The following SUCLG2 variants were observed in gnomAD, a reference collection of about 807,000 sequenced individuals.
The protein encoded by SUCLG2 is succinate--CoA ligase [GDP-forming] subunit beta, mitochondrial.
In SUCLG2, 42 loss-of-function variants were observed where a neutral mutation model predicts 47.9. That is an observed-to-expected ratio of 0.88 (90% confidence interval 0.69 to 1.14). The LOEUF is 1.14. Ranked by LOEUF, SUCLG2 falls within the 50% of genes most tolerant of loss-of-function variation. The pLI is 0.00. For synonymous variants in SUCLG2, 195 were observed against 197.3 expected, an observed-to-expected ratio of 0.99 and a Z score of 0.10; for missense variants, 571 against 525.9, an observed-to-expected ratio of 1.09 and a Z score of -0.84.
intron 10 of SUCLG2, among the ~76,000 whole-genome samples, chr3:67,384,056 G>T (rs61342002): frequency 6.6e-6 from 1 of 152,024 alleles, no homozygotes; most frequent in Non-Finnish European, 1.5e-5. Context: ...GACTTTTGTC[G>T]AAAATGCTGA....
At chr3:67,462,431 TAG>T (rs1485561071) in intron 9 of SUCLG2, among the ~76,000 whole-genome samples, 1 of 152,138 alleles carries the variant, frequency 6.6e-6, no homozygotes, top group Non-Finnish European at 1.5e-5. Context: ...CCTTTTTGTC[TAG>T]TCACATTTCA....
chr3:67,453,923 C>T (rs879922427), intron 9 of SUCLG2, among the ~76,000 whole-genome samples: 13 of 151,448 alleles, frequency 8.6e-5, no homozygotes, highest in Non-Finnish European at 1.6e-4. Context: ...TTGGGCAAAC[C>T]CCCAAGGTTG....
At chr3:67,372,847 G>A (rs1221989854), downstream of SUCLG2, among the ~76,000 whole-genome samples, 1 of 151,932 alleles carries the variant, frequency 6.6e-6, no homozygotes, top group Non-Finnish European at 1.5e-5. Flanking sequence ...CTAGAGCTGG[G>A]GTTGGCAAAC....
chr3:67,379,999 G>A (rs149001200), intron 10 of SUCLG2, among the ~76,000 whole-genome samples: 2 of 152,126 alleles, frequency 1.3e-5, no homozygotes, highest in African/African-American at 2.4e-5. Flanking sequence ...CTAGCAGTAC[G>A]TGCTGACCGA....
At chr3:67,640,400 G>A (rs890509130) in intron 1 of SUCLG2, among the ~76,000 whole-genome samples, 8 of 152,196 alleles carry the variant, frequency 5.3e-5, no homozygotes, top group African/African-American at 1.9e-4. Context: ...CTAAAGCCAT[G>A]CTGTTGATCA....
chr3:67,484,621 G>C (rs1222819837), intron 9 of SUCLG2, among the ~76,000 whole-genome samples: 1 of 152,134 alleles, frequency 6.6e-6, no homozygotes, highest in Non-Finnish European at 1.5e-5. Flanking sequence ...AGAAATGTGG[G>C]GATGGGGAAG....
intron 1 of SUCLG2, among the ~76,000 whole-genome samples, chr3:67,611,087 G>A (rs1442390603): frequency 6.6e-6 from 1 of 151,960 alleles, no homozygotes; most frequent in African/African-American, 2.4e-5. Flanking sequence ...CCCAGAAACT[G>A]GCCACCTCTA....
intron 10 of SUCLG2, among the ~76,000 whole-genome samples, chr3:67,393,458 G>A (rs974289991): frequency 2.0e-5 from 3 of 152,170 alleles, no homozygotes; most frequent in South Asian, 2.1e-4. Flanking sequence ...AGGCGGCAGC[G>A]AGGCTGGGGG....
intron 1 of SUCLG2, among the ~76,000 whole-genome samples, chr3:67,644,736 T>C (rs1230284207): frequency 6.6e-6 from 1 of 152,100 alleles, no homozygotes; most frequent in South Asian, 2.1e-4. Context: ...TCATATTTTT[T>C]AGTATCTTTA....
At chr3:67,591,516 C>T (rs942485797) in intron 2 of SUCLG2, among the ~76,000 whole-genome samples, 13 of 152,150 alleles carry the variant, frequency 8.5e-5, no homozygotes, top group Admixed American at 4.6e-4. Flanking sequence ...CTTTCCCCTG[C>T]TATTCTCATT....
At chr3:67,642,430 C>A (rs1451950541) in intron 1 of SUCLG2, among the ~76,000 whole-genome samples, 1 of 151,946 alleles carries the variant, frequency 6.6e-6, no homozygotes, top group African/African-American at 2.4e-5. Flanking sequence ...CAAAGCAAGA[C>A]CTTGTCTCTA....
chr3:67,385,981 G>A (rs1014963111), intron 10 of SUCLG2, among the ~76,000 whole-genome samples: 11 of 152,212 alleles, frequency 7.2e-5, no homozygotes, highest in Non-Finnish European at 1.6e-4. Flanking sequence ...GCCTTCCTGA[G>A]AGGCTAGAAG....
intron 2 of SUCLG2, among the ~76,000 whole-genome samples, chr3:67,550,168 C>T (rs1474618214): frequency 6.6e-6 from 1 of 152,174 alleles, no homozygotes; most frequent in East Asian, 1.9e-4. Flanking sequence ...AGCTGACCTG[C>T]TCCATGCGGG....
chr3:67,544,131 TTGAC>T (rs1706797895), intron 2 of SUCLG2, among the ~76,000 whole-genome samples: 1 of 152,194 alleles, frequency 6.6e-6, no homozygotes, highest in East Asian at 1.9e-4. Flanking sequence ...AAACTTAAAA[TTGAC>T]TGGAAGAAAT....
At chr3:67,623,434 G>C (rs1424604602) in intron 1 of SUCLG2, among the ~76,000 whole-genome samples, 1 of 152,166 alleles carries the variant, frequency 6.6e-6, no homozygotes, top group Non-Finnish European at 1.5e-5. Context: ...CCGAGAGGCG[G>C]TGCTTGCAGT....
chr3:67,642,010 T>C (rs1044174690), intron 1 of SUCLG2, among the ~76,000 whole-genome samples: 9 of 152,224 alleles, frequency 5.9e-5, no homozygotes, highest in South Asian at 4.1e-4. Context: ...ACCAATCATA[T>C]TGAATTAGGG....
chr3:67,428,099 C>G (rs1483081213), intron 9 of SUCLG2, among the ~76,000 whole-genome samples: 1 of 152,066 alleles, frequency 6.6e-6, no homozygotes, highest in African/African-American at 2.4e-5. Flanking sequence ...CCTAGTGGTT[C>G]TCCCAGCACA....
Position 67,440,583 on chromosome 3 carries a change from C to T in SUCLG2, c.1063-39732G>A, listed in dbSNP as rs1169245771. On this transcript the variant is annotated intron_variant, in intron 9 of 10. Coordinates refer to ENST00000307227, the MANE Select transcript of SUCLG2 (RefSeq NM_003848.4). ...AGTGGGTGAAGGATATGAACAGACA[C>T]TTCTCAAAAGAAGACATTTATGCAG... 2.0e-5 allele frequency among the ~76,000 whole-genome samples: 3 copies of T among 152,296 alleles called. No individual in the cohort carries two copies. In the East Asian group the frequency reaches 5.8e-4, roughly 29 times the overall value.
chr3:67,622,571 T>G (rs1700753880), intron 1 of SUCLG2, among the ~76,000 whole-genome samples: 1 of 152,244 alleles, frequency 6.6e-6, no homozygotes, highest in Non-Finnish European at 1.5e-5. Flanking sequence ...CTCTATACGC[T>G]GTTTTATCCT....
Sources: allele counts gnomAD v4.1 joint callset (sites outside exome capture counted in the v4.1 genomes callset), GRCh38; gene constraint gnomAD v4.1.1; transcripts MANE v1.5; gene names NCBI Gene and HGNC (gene_info 2026-07-23, HGNC 2026-07-21).